The following HMGCLL1 variants were observed in gnomAD, a reference collection of about 807,000 sequenced individuals.
HMGCLL1 encodes the protein 3-hydroxy-3-methylglutaryl-CoA lyase like 1.
In HMGCLL1, 36 loss-of-function variants were observed where a neutral mutation model predicts 39.1. That is an observed-to-expected ratio of 0.92 (90% CI 0.71 to 1.22). The LOEUF is 1.22. Among genes scored for constraint, HMGCLL1 ranks in the 50% most tolerant of loss-of-function variants. HMGCLL1 has a pLI of 0.00. For missense variants in HMGCLL1, 451 were observed against 416.5 expected, an observed-to-expected ratio of 1.08 and a Z score of -0.72; for synonymous variants, 149 against 144.0, an observed-to-expected ratio of 1.03 and a Z score of -0.25.
chr6:55,672,006 G>C, the HMGCLL1 span, among the ~76,000 whole-genome samples: 1 of 151,718 alleles, frequency 6.6e-6, no homozygotes, highest in Non-Finnish European at 1.5e-5. Context: ...GATTAGCCCA[G>C]AAGGGTGCAT....
At position 55,543,467 on chromosome 6, in the gene HMGCLL1, T is replaced by TCATATATG. The variant is rs1561951577; in HGVS notation, c.109-1328_109-1327insCATATATG. 1.7e-3 allele frequency among the ~76,000 whole-genome samples: 16 copies of TCATATATG among 9,670 alleles called. 1 individual carries two copies. Among genetic ancestry groups the TCATATATG allele is most frequent in the African/African-American group, 3.1e-3 (16 of 5,164 alleles). 6.3% of individuals were successfully genotyped at this position (9,670 alleles called of 152,430 possible). A position where few individuals can be genotyped will look rare whatever the true frequency, so the allele number is the denominator to read the frequency against. The stretch of plus-strand genomic sequence containing the variant: ...TGATATATATGATATATATCATATA[T>TCATATATG]ATCATATATAATATATATATGATAT... On this transcript the variant is annotated intron_variant, in intron 1 of 8. Coordinates refer to ENST00000274901, the MANE Select transcript of HMGCLL1 (RefSeq NM_001042406.2).
chr6:55,649,377 T>G, the HMGCLL1 span, among the ~76,000 whole-genome samples: 47 of 151,632 alleles, frequency 3.1e-4, no homozygotes, highest in Admixed American at 1.4e-3. Context: ...GTAAAAGGTT[T>G]TTTTTTTTTT....
At chr6:55,581,579 A>G (rs891885845), upstream of HMGCLL1, among the ~76,000 whole-genome samples, 2 of 152,056 alleles carry the variant, frequency 1.3e-5, no homozygotes, top group African/African-American at 4.8e-5. Context: ...TGATTACTCA[A>G]ATAAAACATT....
intron 7 of HMGCLL1, among the ~76,000 whole-genome samples, chr6:55,457,895 T>C (rs1764393870): frequency 6.6e-6 from 1 of 152,114 alleles, no homozygotes; most frequent in African/African-American, 2.4e-5. Flanking sequence ...AAAATTTCCC[T>C]CACTGGGGCC....
intron 7 of HMGCLL1, among the ~76,000 whole-genome samples, chr6:55,453,608 T>A (rs1030163385): frequency 3.3e-5 from 5 of 152,196 alleles, no homozygotes; most frequent in African/African-American, 1.2e-4. Context: ...TTATGAATAA[T>A]CATGCCATCA....
chr6:55,557,053 TA>T (rs1263154840), intron 1 of HMGCLL1, among the ~76,000 whole-genome samples: 5 of 152,210 alleles, frequency 3.3e-5, no homozygotes, highest in Non-Finnish European at 7.3e-5. Context: ...AATATTTTCC[TA>T]GAAGCTTTCT....
At chr6:55,620,154 A>G in the HMGCLL1 span, among the ~76,000 whole-genome samples, 2 of 152,140 alleles carry the variant, frequency 1.3e-5, no homozygotes, top group Non-Finnish European at 2.9e-5. Context: ...ACATAGGAGT[A>G]CAGATATTCC....
At chr6:55,533,873 G>A (rs1002496161) in intron 3 of HMGCLL1, among the ~76,000 whole-genome samples, 16 of 59,228 alleles carry the variant, frequency 2.7e-4, no homozygotes, top group Non-Finnish European at 5.7e-4. Flanking sequence ...GCGACAGAGC[G>A]AGACTCCGTC....
intron 3 of HMGCLL1, among the ~76,000 whole-genome samples, chr6:55,518,653 C>A (rs1767874590): frequency 6.6e-6 from 1 of 152,024 alleles, no homozygotes; most frequent in South Asian, 2.1e-4. Flanking sequence ...GTAAGAAAGC[C>A]CAAATTAGCC....
chr6:55,589,928 C>A, the HMGCLL1 span, among the ~76,000 whole-genome samples: 1 of 152,114 alleles, frequency 6.6e-6, no homozygotes, highest in Admixed American at 6.6e-5. Flanking sequence ...GAAGAACATT[C>A]CATGCTCATG....
intron 7 of HMGCLL1, among the ~76,000 whole-genome samples, chr6:55,487,402 C>T (rs753745479): frequency 6.6e-6 from 1 of 151,904 alleles, no homozygotes; most frequent in Non-Finnish European, 1.5e-5. Context: ...ACCTATCAAC[C>T]CGTCACCTAC....
At chr6:55,451,018 A>T (rs1764056694) in intron 7 of HMGCLL1, among the ~76,000 whole-genome samples, 1 of 152,100 alleles carries the variant, frequency 6.6e-6, no homozygotes, top group Admixed American at 6.6e-5. Context: ...TAGCTCCCTA[A>T]CACTTGCTTC....
At chr6:55,580,849 T>C (rs1771973540), upstream of HMGCLL1, among the ~76,000 whole-genome samples, 1 of 152,188 alleles carries the variant, frequency 6.6e-6, no homozygotes, top group African/African-American at 2.4e-5. Flanking sequence ...TAGGTGTACA[T>C]TCATAGAGCT....
At position 55,439,461 on chromosome 6, in the gene HMGCLL1, A is replaced by G. The variant is rs376465811; in HGVS notation, c.894T>C (p.Tyr298=). The change falls in exon 8 of 9, where the codon TAT becomes TAC. Residue 298 remains tyrosine, a synonymous_variant. Transcript: ENST00000274901. ...TATTGAGCCCCAGGCCATTAAGCAT[A>G]TATATCAAATCCTCAGTGGCTACAT... ...SGNVATEDLI[Y]MLNGLGLNTG... is the part of the protein sequence containing the mutation. 1.9e-6 allele frequency: 3 copies of G among 1,612,656 alleles called. No individual in the cohort carries two copies. Among genetic ancestry groups the G allele is most frequent in the African/African-American group, 1.3e-5 (1 of 74,846 alleles).
chr6:55,597,928 TA>T, the HMGCLL1 span, among the ~76,000 whole-genome samples: 3 of 152,134 alleles, frequency 2.0e-5, no homozygotes, highest in African/African-American at 7.2e-5. Context: ...ACATGATATA[TA>T]AAAATAAATA....
the HMGCLL1 span, among the ~76,000 whole-genome samples, chr6:55,648,030 T>C: frequency 7.7e-6 from 1 of 129,410 alleles, no homozygotes; most frequent in Non-Finnish European, 1.6e-5. Flanking sequence ...TTTGGTTTTT[T>C]GTTCTTGCGA....
the HMGCLL1 span, among the ~76,000 whole-genome samples, chr6:55,669,852 G>T: frequency 1.3e-5 from 2 of 151,776 alleles, no homozygotes; most frequent in South Asian, 4.1e-4. Flanking sequence ...GAGCCTCAAG[G>T]AAATGTGGAG....
the HMGCLL1 span, among the ~76,000 whole-genome samples, chr6:55,609,034 T>G: frequency 6.6e-6 from 1 of 152,212 alleles, no homozygotes; most frequent in South Asian, 2.1e-4. Flanking sequence ...GAAACCATGC[T>G]TTTTCCTTAG....
chr6:55,615,355 G>C, the HMGCLL1 span, among the ~76,000 whole-genome samples: 1 of 152,074 alleles, frequency 6.6e-6, no homozygotes, highest in Admixed American at 6.6e-5. Flanking sequence ...CAGCAGAAAA[G>C]ACAAAGGTGA....
Sources: allele counts gnomAD v4.1 joint callset (sites outside exome capture counted in the v4.1 genomes callset), GRCh38; gene constraint gnomAD v4.1.1; transcripts MANE v1.5; gene names NCBI Gene and HGNC (gene_info 2026-07-23, HGNC 2026-07-21).